PSTPIP1: variants seen among roughly 807,000 people sequenced by gnomAD.
The protein encoded by PSTPIP1 is proline-serine-threonine phosphatase interacting protein 1.
In PSTPIP1, 66 loss-of-function variants were observed where a neutral mutation model predicts 69.6. The ratio of observed to expected loss-of-function variants is 0.95; its 90% CI spans 0.78 to 1.16. The LOEUF (loss-of-function observed/expected upper bound fraction) is 1.16. Ranked by LOEUF, PSTPIP1 falls within the 50% of genes most tolerant of loss-of-function variation. The probability of loss-of-function intolerance (pLI) is 0.00; values close to 1 mark genes in which losing one functional copy is unlikely to be tolerated. For synonymous variants in PSTPIP1, 266 were observed against 222.7 expected, an observed-to-expected ratio of 1.19 and a Z score of -1.73; for missense variants, 603 against 557.4, an observed-to-expected ratio of 1.08 and a Z score of -0.82.
rs559126311 is a variant in PSTPIP1 at position 77,035,619 on chromosome 15, G to A, written c.985+56G>A. On this transcript the variant is annotated intron_variant, in intron 13 of 14. Transcript: ENST00000558012. ...ACACTGATCCTGGGGGGGAGGAGAG[G>A]TCTCCCACATGGCACAGATGGGGCC... The A allele has an allele frequency of 1.4e-5, 21 of 1,530,022 alleles. 1 individual carries two copies. The South Asian group carries it at 2.1e-4, about 16-fold the overall frequency. The allele number at this position is 1,530,022 out of a possible 1,614,324, so 94.8% of individuals were successfully genotyped here.
At chr15:76,994,995 C>G (rs2075540743), upstream of PSTPIP1, 1 of 1,184,212 alleles carries the variant, frequency 8.4e-7, no homozygotes, top group African/African-American at 1.6e-5. Context: ...ATAAAGTGAG[C>G]CCGCACCTCG....
intron 1 of PSTPIP1, among the ~76,000 whole-genome samples, chr15:77,005,185 A>G (rs1001756343): frequency 6.6e-6 from 1 of 152,244 alleles, no homozygotes; most frequent in Middle Eastern, 3.4e-3. Flanking sequence ...GGAGTTCAAG[A>G]CCAGCCTGGC....
intron 1 of PSTPIP1, among the ~76,000 whole-genome samples, chr15:76,999,264 A>G (rs899135954): frequency 6.7e-6 from 1 of 149,880 alleles, no homozygotes; most frequent in Non-Finnish European, 1.5e-5. Flanking sequence ...TCCTGAACCC[A>G]TTTTTTACTT....
upstream of PSTPIP1, chr15:76,995,003 T>A (rs1266328014): frequency 8.4e-7 from 1 of 1,184,440 alleles, no homozygotes; most frequent in South Asian, 1.5e-5. Flanking sequence ...AGCCCGCACC[T>A]CGGGAGGGGG....
At chr15:77,020,874 G>A (rs974550937) in intron 3 of PSTPIP1, among the ~76,000 whole-genome samples, 1 of 143,244 alleles carries the variant, frequency 7.0e-6, no homozygotes, top group Non-Finnish European at 1.6e-5. Flanking sequence ...CCTGTGGGGG[G>A]GGGGGGTGTG....
chr15:77,015,737 AAGG>A lies in PSTPIP1; in HGVS notation c.37-2404_37-2402del, dbSNP rs1217232230. 1.1e-5 allele frequency: 4 copies of A among 356,908 alleles called. No individual in the cohort carries two copies. In the East Asian group the frequency reaches 3.0e-4, roughly 27 times the overall value. The allele number at this position is 356,908 out of a possible 1,614,324, so 22.1% of individuals were successfully genotyped here. On this transcript the variant is annotated intron_variant, in intron 1 of 14. Transcript: ENST00000558012. ...CGAGGAAGTGGCAGGGGTGGGGGTG[AAGG>A]AGGAGGGCGCGGGCTGGGGGAAGGG...
chr15:77,027,934 G>A lies in PSTPIP1; in HGVS notation c.417+20G>A. 6.5e-7 allele frequency: 1 copy of A among 1,544,966 alleles called. No homozygotes were observed. The highest frequency in any genetic ancestry group is 8.8e-7 in the Non-Finnish European group (1 of 1,140,964). The stretch of plus-strand genomic sequence containing the variant: ...ATGGAGGTGAGCGCCAGGGCCTGGG[G>A]CCGCGGCCTTCCCTCGAGGAGCAGC... On this transcript the variant is annotated intron_variant, in intron 6 of 14. Coordinates refer to ENST00000558012, the MANE Select transcript of PSTPIP1 (RefSeq NM_003978.5). This position sits in a 1 kb window ranked among gnomAD's most constrained non-coding sequence, Gnocchi z 4.3.
upstream of PSTPIP1, chr15:76,995,038 C>T (rs920002123): frequency 7.6e-6 from 9 of 1,190,422 alleles, no homozygotes; most frequent in African/African-American, 1.4e-4. Context: ...AGCAGGATGG[C>T]AGGTGGCAGG....
At chr15:77,019,298 G>A (rs62007209) in intron 3 of PSTPIP1, among the ~76,000 whole-genome samples, 32,794 of 152,114 alleles carry the variant, frequency 0.22, 3,649 homozygotes, top group South Asian at 0.28. Context: ...CCAGGCCAAG[G>A]GGCAGACAGA....
chr15:77,024,025 C>T (rs2076219376), intron 3 of PSTPIP1: 1 of 152,480 alleles, frequency 6.6e-6, no homozygotes. Flanking sequence ...TGGCCACGGG[C>T]GCAGCTCCTT....
Position 77,028,260 on chromosome 15 carries a change from G to A in PSTPIP1, c.418-294G>A. 3 of 500,296 alleles carry A rather than the reference G, an allele frequency of 6.0e-6. 1 individual carries two copies. In the South Asian group the frequency reaches 7.3e-5, roughly 12 times the overall value. 31.0% of individuals were successfully genotyped at this position (500,296 alleles called of 1,614,324 possible). A position where few individuals can be genotyped will look rare whatever the true frequency, so the allele number is the denominator to read the frequency against. ...GGGGCTCCTAAGAGGGCGCGGCGTGGCGAGGGGCGTGGCGAGGGGCGTGCC... is the reference window on the plus strand; with the variant it reads ...GGGGCTCCTAAGAGGGCGCGGCGTGACGAGGGGCGTGGCGAGGGGCGTGCC... On this transcript the variant is annotated intron_variant, in intron 6 of 14. Transcript: ENST00000558012.
chr15:77,026,308 C>G (rs1396549786), intron 5 of PSTPIP1: 1 of 423,354 alleles, frequency 2.4e-6, no homozygotes, highest in Non-Finnish European at 4.8e-6. Flanking sequence ...GGGGCTGAGC[C>G]TCTCAGGGCC....
intron 3 of PSTPIP1, among the ~76,000 whole-genome samples, chr15:77,021,264 G>T (rs754666881): frequency 6.6e-6 from 1 of 152,244 alleles, no homozygotes; most frequent in Non-Finnish European, 1.5e-5. Context: ...TACATCTTAA[G>T]TGATTTTTGA....
intron 1 of PSTPIP1, among the ~76,000 whole-genome samples, chr15:77,009,910 A>G (rs2075898647): frequency 6.6e-6 from 1 of 152,116 alleles, no homozygotes; most frequent in East Asian, 1.9e-4. Context: ...GGGGACGGGG[A>G]TGTGCAATGA....
At chr15:77,036,437 T>C (rs1247004354) in intron 14 of PSTPIP1, among the ~76,000 whole-genome samples, 1 of 152,056 alleles carries the variant, frequency 6.6e-6, no homozygotes, top group Non-Finnish European at 1.5e-5. Context: ...CGTGCCAGGA[T>C]TGATTTTCTG....
intron 3 of PSTPIP1, among the ~76,000 whole-genome samples, chr15:77,019,612 C>T (rs1006968134): frequency 6.6e-6 from 1 of 152,194 alleles, no homozygotes; most frequent in African/African-American, 2.4e-5. Context: ...GCTCTGGTCC[C>T]GGCTCGGCCA....
At chr15:77,024,210 T>TA (rs1288372065) in intron 3 of PSTPIP1, 2 of 152,222 alleles carry the variant, frequency 1.3e-5, no homozygotes, top group Non-Finnish European at 2.9e-5. Context: ...TCTGTATTTC[T>TA]AACAGGCTCC....
chr15:77,024,600 G>A (rs933162491), intron 3 of PSTPIP1, among the ~76,000 whole-genome samples: 6 of 152,162 alleles, frequency 3.9e-5, no homozygotes, highest in African/African-American at 9.7e-5. Flanking sequence ...ACTACAAGGG[G>A]CATACTATAC....
chr15:77,005,893 G>A (rs1480378182), intron 1 of PSTPIP1, among the ~76,000 whole-genome samples: 1 of 152,112 alleles, frequency 6.6e-6, no homozygotes, highest in Non-Finnish European at 1.5e-5. Context: ...TTGATCCATT[G>A]ATGACCACTG....
Sources: allele counts gnomAD v4.1 joint callset (sites outside exome capture counted in the v4.1 genomes callset), GRCh38; gene constraint gnomAD v4.1.1; non-coding constraint Gnocchi (gnomAD v3.1); transcripts MANE v1.5; gene names NCBI Gene and HGNC (gene_info 2026-07-23, HGNC 2026-07-21).